TFR2: variants seen among roughly 807,000 people sequenced by gnomAD.
TFR2 encodes transferrin receptor 2, also known as transferrin receptor protein 2.
TFR2 carries 64 observed loss-of-function variants against 91.9 expected under a neutral mutation model. The observed-to-expected ratio is 0.70, with a 90% CI of 0.57 to 0.86. The LOEUF is 0.86. Ranked by LOEUF, TFR2 falls within the 40% of genes least tolerant of loss-of-function variation. The pLI, the probability that TFR2 is intolerant of heterozygous loss-of-function variation, is 0.00. For missense variants in TFR2, 950 were observed against 1,080.5 expected (o/e 0.88, Z 1.69); for synonymous variants, 454 against 459.6 (o/e 0.99, Z 0.15).
chr7:100,640,391 G>T, intron 3 of TFR2: 1 of 423,704 alleles, frequency 2.4e-6, no homozygotes, highest in East Asian at 4.1e-5. Context: ...AGGCATTCAA[G>T]GCTTTTCTGG....
chr7:100,636,530 G>A (rs1803574653), intron 3 of TFR2, among the ~76,000 whole-genome samples: 1 of 150,460 alleles, frequency 6.6e-6, no homozygotes, highest in Admixed American at 6.7e-5. Context: ...CTTATCCATT[G>A]AGGATCTACT....
chr7:100,626,579 CG>C, intron 17 of TFR2, 183 bp downstream of exon 17: 1 of 1,419,810 alleles, frequency 7.0e-7, no homozygotes, highest in African/African-American at 1.4e-5. Flanking sequence ...TTTGATCGCT[CG>C]GGTCCTCCAG....
chr7:100,620,782 C>A lies in TFR2; in HGVS notation c.*75G>T. On this transcript the variant is annotated 3_prime_UTR_variant, in exon 18 of 18. Coordinates refer to ENST00000223051, the MANE Select transcript of TFR2 (RefSeq NM_003227.4). ...GAGAGGTGGACTCTGAGCCACCTCC[C>A]TGACCCTGAATCATTCAAGCGAGGA... 1 of 1,598,114 alleles carries A rather than the reference C, an allele frequency of 6.3e-7. No homozygotes were observed. Among genetic ancestry groups the A allele is most frequent in the East Asian group, 2.2e-5 (1 of 44,486 alleles).
rs1249430770 is a variant in TFR2 at position 100,641,197 on chromosome 7, A to G, written c.65T>C (p.Val22Ala). The change falls in exon 2 of 18, where the codon GTC becomes GCC. Residue 22 changes from valine to alanine, a missense_variant. Physicochemically the swap from Val to Ala is moderately conservative, Grantham distance 64. Coordinates refer to ENST00000223051, the MANE Select transcript of TFR2 (RefSeq NM_003227.4). ...QQLSPRSSQT[V>A]YQRVEGPRKG... is the part of the protein sequence containing the mutation. Reference sequence around the variant, plus strand: ...CCGGGGGCCTTCCACACGCTGGTAGACGGTCTGAGAGGATCTTGGGGACAG... The same window carrying G: ...CCGGGGGCCTTCCACACGCTGGTAGGCGGTCTGAGAGGATCTTGGGGACAG... 2.0e-6 allele frequency: 3 copies of G among 1,530,800 alleles called. No individual in the cohort carries two copies. Among genetic ancestry groups the G allele is most frequent in the East Asian group, 4.9e-5 (2 of 41,224 alleles). The allele number at this position is 1,530,800 out of a possible 1,614,324, so 94.8% of individuals were successfully genotyped here.
At chr7:100,621,242 GTGTT>G (rs1803103121) in intron 17 of TFR2, 116 bp from the exon 18 acceptor site, 5 of 1,312,076 alleles carry the variant, frequency 3.8e-6, no homozygotes, top group Non-Finnish European at 5.1e-6. Flanking sequence ...TTTTCTTTTT[GTGTT>G]TGTTTTTTGT....
intron 17 of TFR2, among the ~76,000 whole-genome samples, chr7:100,622,618 G>A (rs1352610189): frequency 2.6e-5 from 4 of 152,158 alleles, no homozygotes; most frequent in Non-Finnish European, 5.9e-5. Context: ...TCAGCGCTGG[G>A]GGAAGCAAAT....
At chr7:100,632,738 CT>C (rs35046097) in intron 6 of TFR2, 45,876 of 184,214 alleles carry the variant, frequency 0.25, 7,686 homozygotes, top group African/African-American at 0.46. Context: ...AAAAAAGAAC[CT>C]TTTTTTTTTT....
At chr7:100,636,341 A>G (rs989496232) in intron 3 of TFR2, among the ~76,000 whole-genome samples, 5 of 150,206 alleles carry the variant, frequency 3.3e-5, no homozygotes, top group Admixed American at 1.3e-4. Context: ...ACACCCAGTT[A>G]ATTTTTGTAT....
chr7:100,639,669 A>C (rs1803651697), intron 3 of TFR2: 1 of 152,102 alleles, frequency 6.6e-6, no homozygotes, highest in Non-Finnish European at 1.5e-5. Flanking sequence ...CTACTTAGAA[A>C]ACCCAGGCGA....
intron 17 of TFR2, 69 bp downstream of exon 17, chr7:100,626,694 G>T (rs1025708241): frequency 6.5e-7 from 1 of 1,529,994 alleles, no homozygotes; most frequent in African/African-American, 1.4e-5. Context: ...GACGGGGCCA[G>T]GTCCAGGAGG....
At chr7:100,622,809 T>A (rs979439793) in intron 17 of TFR2, among the ~76,000 whole-genome samples, 1 of 151,446 alleles carries the variant, frequency 6.6e-6, no homozygotes, top group Non-Finnish European at 1.5e-5. Context: ...ATACAAAAAA[T>A]TTAGCCAGGT....
intron 17 of TFR2, among the ~76,000 whole-genome samples, chr7:100,625,338 C>T (rs1286700205): frequency 2.6e-5 from 4 of 152,120 alleles, no homozygotes; most frequent in Admixed American, 6.6e-5. Flanking sequence ...AGATTACAGG[C>T]GTAAGCCACC....
intron 7 of TFR2, 31 bp from the exon 8 acceptor site, chr7:100,631,976 GCGAGCTGGGCTTC>G (rs763253231): frequency 6.2e-7 from 1 of 1,614,092 alleles, no homozygotes; most frequent in Non-Finnish European, 8.5e-7. Context: ...ACGCAAAGCT[GCGAGCTGGGCTTC>G]CAGGAAAAAC....
chr7:100,622,773 A>G (rs1414748846), intron 17 of TFR2, among the ~76,000 whole-genome samples: 2 of 151,988 alleles, frequency 1.3e-5, no homozygotes, highest in Non-Finnish European at 2.9e-5. Flanking sequence ...CCTGGCCAAC[A>G]TGGCAAAACC....
At position 100,629,254 on chromosome 7, in the gene TFR2, G is replaced by A. The variant is rs780133884; in HGVS notation, c.1389C>T (p.Asn463=). The stretch of plus-strand genomic sequence containing the variant: ...CCCAGGCCCTGGCCCTGACCTTACC[G>A]TTGCTCACCATGGAGGAAAAGGTCC... ...LVRTFSSMVS[N]GFRPRRSLLF... The change falls in exon 10 of 18, where the codon AAC becomes AAT. Residue 463 remains asparagine (N), a splice_region_variant and synonymous_variant. Transcript: ENST00000223051. 3.7e-6 allele frequency: 6 copies of A among 1,613,688 alleles called. No homozygotes were observed. The highest frequency in any genetic ancestry group is 1.1e-5 in the South Asian group (1 of 91,076).
intron 10 of TFR2, 100 bp from the exon 11 acceptor site, chr7:100,628,406 G>C: frequency 1.7e-6 from 2 of 1,171,302 alleles, no homozygotes; most frequent in Non-Finnish European, 2.5e-6. Context: ...CTGTTTCTCT[G>C]TCTCTCTCTC....
At chr7:100,632,976 C>T in intron 6 of TFR2, 25 bp downstream of exon 6, 1 of 1,613,650 alleles carries the variant, frequency 6.2e-7, no homozygotes, top group Non-Finnish European at 8.5e-7. Flanking sequence ...GGGCTCAAGC[C>T]CTCCCTCTGT....
rs772104483 is a variant in TFR2, at chr7:100,628,288, C to A, written c.1409G>T (p.Ser470Ile). ...ACCGTCCCAGCTGATGAAGAGGAGA[C>A]TTCTGCGGGGCCGGAAGCCTGGGGA... ...MVSNGFRPRR[S>I]LLFISWDGGD... The change falls in exon 11 of 18, where the codon AGT (serine) becomes ATT (isoleucine). Residue 470 changes from serine (S) to isoleucine (I), a missense_variant. Physicochemically the swap from Ser to Ile is moderately radical, Grantham distance 142. Coordinates refer to ENST00000223051, the MANE Select transcript of TFR2 (RefSeq NM_003227.4). 2 of 1,613,918 alleles carry A rather than the reference C, an allele frequency of 1.2e-6. No individual in the cohort carries two copies. The highest frequency in any genetic ancestry group is 3.3e-5 in the Admixed American group (2 of 59,966).
intron 8 of TFR2, chr7:100,631,569 A>AGTCATG: frequency 2.4e-6 from 1 of 422,846 alleles, no homozygotes; most frequent in Admixed American, 3.9e-5. Flanking sequence ...GGTTGCAGTG[A>AGTCATG]GCCAAGATTG....
Sources: allele counts gnomAD v4.1 joint callset (sites outside exome capture counted in the v4.1 genomes callset), GRCh38; gene constraint gnomAD v4.1.1; transcripts MANE v1.5; gene names NCBI Gene and HGNC (gene_info 2026-07-23, HGNC 2026-07-21).